The following PCDHA7 variants were observed in gnomAD, a reference collection of about 807,000 sequenced individuals.
PCDHA7 encodes the protein protocadherin alpha-7.
Under a neutral mutation model 57.2 loss-of-function variants are expected in PCDHA7, and 37 were observed. The observed-to-expected ratio is 0.65, with a 90% confidence interval of 0.50 to 0.85. The LOEUF (loss-of-function observed/expected upper bound fraction) is 0.85, where lower values mean the gene tolerates loss of function less well. Ranked by LOEUF, PCDHA7 falls within the 40% of genes least tolerant of loss-of-function variation. PCDHA7 has a pLI of 0.00. For missense variants in PCDHA7, 1,188 were observed against 1,241.8 expected (o/e 0.96, Z 0.65); for synonymous variants, 553 against 558.8 (o/e 0.99, Z 0.15).
At chr5:140,986,861 C>T (rs1007036038) in intron 3 of PCDHA7, among the ~76,000 whole-genome samples, 12 of 152,086 alleles carry the variant, frequency 7.9e-5, no homozygotes, top group Non-Finnish European at 1.0e-4. Flanking sequence ...CAACAATACC[C>T]GGAAACTTGT....
chr5:140,955,078 G>T lies in PCDHA7; in HGVS notation c.2356-23871G>T, dbSNP rs192023775. On this transcript the variant is annotated intron_variant, in intron 1 of 3. Transcript: ENST00000525929. ...TTGTCAGGTTTGTTGAAGATCAGAT[G>T]GTTGTAGGTGTGTGGTGTTATTTCT... Among the ~76,000 whole-genome samples, 36 of 152,228 alleles carry T rather than the reference G, an allele frequency of 2.4e-4. No homozygotes were observed. In the East Asian group the frequency reaches 6.6e-3, roughly 28 times the overall value.
chr5:140,995,086 T>C (rs1182368049), intron 3 of PCDHA7, among the ~76,000 whole-genome samples: 2 of 152,246 alleles, frequency 1.3e-5, no homozygotes, highest in African/African-American at 4.8e-5. Context: ...TCCAAACTTA[T>C]CTGTGGAGAT....
At chr5:140,969,994 CAGAG>C (rs1406079395) in intron 1 of PCDHA7, among the ~76,000 whole-genome samples, 2 of 152,032 alleles carry the variant, frequency 1.3e-5, no homozygotes, top group Non-Finnish European at 1.5e-5. Context: ...AGAGGGCTGT[CAGAG>C]GGAGTGGATG....
chr5:140,861,487 G>A, intron 1 of PCDHA7: 1 of 490,310 alleles, frequency 2.0e-6, no homozygotes, highest in Non-Finnish European at 4.2e-6. Context: ...ATTTTTGTGA[G>A]TTCTCTGATA....
intron 1 of PCDHA7, among the ~76,000 whole-genome samples, chr5:140,913,380 T>C (rs1436602497): frequency 6.6e-6 from 1 of 152,226 alleles, no homozygotes; most frequent in Non-Finnish European, 1.5e-5. Context: ...ATATAGTGGC[T>C]CATCATAGCC....
chr5:140,947,270 T>C (rs1230948656), intron 1 of PCDHA7, among the ~76,000 whole-genome samples: 1 of 151,546 alleles, frequency 6.6e-6, no homozygotes, highest in Non-Finnish European at 1.5e-5. Context: ...TTGTTGAAAA[T>C]ACTTTTTCTT....
chr5:140,870,626 C>G lies in PCDHA7; in HGVS notation c.2355+33888C>G, dbSNP rs782773688. Reference sequence around the variant, plus strand: ...GACCGCGCGCTGTCGAGCTACGTGTCGGTGCACGCGGAGAGCGGCAAGGTG... The same window carrying G: ...GACCGCGCGCTGTCGAGCTACGTGTGGGTGCACGCGGAGAGCGGCAAGGTG... On this transcript the variant is annotated intron_variant, in intron 1 of 3. Coordinates refer to ENST00000525929, the MANE Select transcript of PCDHA7 (RefSeq NM_018910.3). 15 of 1,613,016 alleles carry G rather than the reference C, an allele frequency of 9.3e-6. No individual in the cohort carries two copies. The highest frequency in any genetic ancestry group is 1.1e-5 in the Non-Finnish European group (13 of 1,179,794).
intron 1 of PCDHA7, chr5:140,853,722 A>C (rs1236467209): frequency 2.0e-6 from 2 of 988,342 alleles, no homozygotes; most frequent in African/African-American, 1.8e-5. Flanking sequence ...GCAGCACCTA[A>C]GTCCTCATTG....
chr5:140,861,378 C>A, intron 1 of PCDHA7: 1 of 421,170 alleles, frequency 2.4e-6, no homozygotes. Flanking sequence ...CCCTATTGCG[C>A]AGGACCTGGG....
In PCDHA7 at chr5:140,834,608, G is replaced by A. The variant is rs2150222869; in HGVS notation, c.225G>A (p.Leu75=). ...TGTGCAAATTCCGTGGGGATCTTCT[G>A]GAGGTAAATCTGCAGAATGGCATTT... ...RAVCKFRGDL[L]EVNLQNGILF... Residue 75 remains leucine (L), a synonymous_variant, in exon 1 of 4, where the codon CTG becomes CTA. Transcript: ENST00000525929. The A allele has an allele frequency of 6.2e-7, 1 of 1,614,060 alleles. No homozygotes were observed. The highest frequency in any genetic ancestry group is 2.2e-5 in the East Asian group (1 of 44,894).
chr5:140,924,472 G>A (rs938412564), intron 1 of PCDHA7, among the ~76,000 whole-genome samples: 1 of 152,188 alleles, frequency 6.6e-6, no homozygotes, highest in African/African-American at 2.4e-5. Flanking sequence ...GAGGTAACTG[G>A]TTTTTAGTGG....
At chr5:140,852,972 G>A (rs2150526368) in intron 1 of PCDHA7, 5 of 376,752 alleles carry the variant, frequency 1.3e-5, no homozygotes, top group South Asian at 2.2e-4. Context: ...TCCCCCTCCC[G>A]TGTTCACGCC....
At chr5:141,003,941 G>A (rs532794918) in intron 3 of PCDHA7, among the ~76,000 whole-genome samples, 1 of 152,236 alleles carries the variant, frequency 6.6e-6, no homozygotes, top group African/African-American at 2.4e-5. Flanking sequence ...TTTGCCTGAG[G>A]GTGAGCTAGG....
chr5:140,928,161 C>G (rs155820), intron 1 of PCDHA7: 543,775 of 1,613,884 alleles, frequency 0.34, 93,301 homozygotes, highest in East Asian at 0.51. Flanking sequence ...GTGGCTCACC[C>G]CCACTTAGCA....
intron 1 of PCDHA7, among the ~76,000 whole-genome samples, chr5:140,888,420 C>T (rs947790198): frequency 3.3e-5 from 5 of 152,130 alleles, no homozygotes; most frequent in African/African-American, 4.8e-5. Context: ...AACATCCTAC[C>T]GTGCACAGGA....
intron 1 of PCDHA7, among the ~76,000 whole-genome samples, chr5:140,975,683 G>T (rs1226769029): frequency 6.6e-6 from 1 of 151,934 alleles, no homozygotes; most frequent in Non-Finnish European, 1.5e-5. Context: ...AATAAAATAG[G>T]GTATTTTAAA....
At chr5:140,967,014 G>T in intron 1 of PCDHA7, 1 of 1,606,958 alleles carries the variant, frequency 6.2e-7, no homozygotes, top group Non-Finnish European at 8.5e-7. Flanking sequence ...AACCATCTGG[G>T]TGCGCCCAGT....
Position 140,836,090 on chromosome 5 carries a change from G to C in PCDHA7, c.1707G>C (p.Arg569=). 2.5e-6 allele frequency: 4 copies of C among 1,613,720 alleles called. No individual in the cohort carries two copies. Among genetic ancestry groups the C allele is most frequent in the Non-Finnish European group, 3.4e-6 (4 of 1,179,782 alleles). ...NDNAPALLAP[R]VGGTGGAVRE... ...ACGCGCCGGCACTGCTGGCGCCTCG[G>C]GTGGGTGGCACTGGTGGCGCAGTGA... The change falls in exon 1 of 4, where the codon CGG becomes CGC. Residue 569 remains arginine (R), a synonymous_variant. Coordinates refer to ENST00000525929, the MANE Select transcript of PCDHA7 (RefSeq NM_018910.3).
intron 1 of PCDHA7, among the ~76,000 whole-genome samples, chr5:140,961,220 G>T (rs2095597952): frequency 6.6e-6 from 1 of 152,032 alleles, no homozygotes; most frequent in Non-Finnish European, 1.5e-5. Flanking sequence ...GAAGAAACTG[G>T]GTCCCAAAAA....
Sources: allele counts gnomAD v4.1 joint callset (sites outside exome capture counted in the v4.1 genomes callset), GRCh38; gene constraint gnomAD v4.1.1; transcripts MANE v1.5; gene names NCBI Gene and HGNC (gene_info 2026-07-23, HGNC 2026-07-21).